The following KIAA0753 variants were observed in gnomAD, a reference collection of about 807,000 sequenced individuals.
The protein encoded by KIAA0753 is protein moonraker.
Under a neutral mutation model 116.9 loss-of-function variants are expected in KIAA0753, and 114 were observed. The ratio of observed to expected loss-of-function variants is 0.98; its 90% CI spans 0.84 to 1.14. The LOEUF is 1.14. KIAA0753 is among the 50% of genes most tolerant of loss of function. KIAA0753 has a pLI of 0.00. For synonymous variants in KIAA0753, 405 were observed against 413.1 expected (o/e 0.98, Z 0.24); for missense variants, 1,156 against 1,172.4 (o/e 0.99, Z 0.20).
At chr17:6,607,483 A>G (rs2150819561) in intron 10 of KIAA0753, among the ~76,000 whole-genome samples, 1 of 152,324 alleles carries the variant, frequency 6.6e-6, no homozygotes, top group South Asian at 2.1e-4. Context: ...ACGCAATGAG[A>G]ACCTGTCTCA....
chr17:6,623,197 A>G, intron 5 of KIAA0753, 100 bp from the exon 6 acceptor site: 2 of 1,203,010 alleles, frequency 1.7e-6, no homozygotes, highest in Non-Finnish European at 1.2e-6. Context: ...CTTTCTGTAT[A>G]AAGTGCTTTC....
rs1024746950 is a variant in KIAA0753, at chr17:6,634,942, T to C, written c.93+69A>G. The C allele has an allele frequency of 1.8e-5, 19 of 1,042,678 alleles. No individual in the cohort carries two copies. In the African/African-American group the frequency reaches 2.7e-4, roughly 15 times the overall value. The allele number at this position is 1,042,678 out of a possible 1,614,324, so 64.6% of individuals were successfully genotyped here. On this transcript the variant is annotated intron_variant, in intron 2 of 18. Transcript: ENST00000361413. ...AGGAGGTGATTTCAAAAGTGTTCAC[T>C]GTCCTTTTCTTTCAAATTTTATGTT...
intron 16 of KIAA0753, among the ~76,000 whole-genome samples, chr17:6,592,161 G>A (rs1597473888): frequency 1.3e-5 from 2 of 152,332 alleles, no homozygotes; most frequent in African/African-American, 4.8e-5. Flanking sequence ...GAGAACAACA[G>A]TAGCAAAGCA....
At chr17:6,600,845 C>A (rs1329221166) in intron 12 of KIAA0753, 3 of 171,622 alleles carry the variant, frequency 1.7e-5, no homozygotes, top group Non-Finnish European at 3.8e-5. Flanking sequence ...TCTCCAAATC[C>A]CACTAAAACA....
chr17:6,603,156 A>C (rs1309989303), intron 12 of KIAA0753, among the ~76,000 whole-genome samples: 1 of 152,172 alleles, frequency 6.6e-6, no homozygotes, highest in Non-Finnish European at 1.5e-5. Flanking sequence ...TAGAGGTAGA[A>C]GAGGGAAAAA....
At chr17:6,630,828 C>T (rs537675932) in intron 2 of KIAA0753, among the ~76,000 whole-genome samples, 5 of 152,046 alleles carry the variant, frequency 3.3e-5, no homozygotes, top group Middle Eastern at 3.4e-3. Context: ...AAGCACTATG[C>T]GCAAAAAGTA....
intron 8 of KIAA0753, among the ~76,000 whole-genome samples, chr17:6,610,511 TTTCTC>T (rs1970465033): frequency 7.5e-6 from 1 of 132,828 alleles, no homozygotes; most frequent in East Asian, 2.3e-4. Context: ...TTTTCTTTTC[TTTCTC>T]TTTTTTTTTT....
At position 6,595,891 on chromosome 17, in the gene KIAA0753, T is replaced by C. The variant is rs536412503; in HGVS notation, c.2358+267A>G. ...GGTCTTCGGAATTACACATCAGTGA[T>C]ATCGGGGGATAATAATAATGGTCAC... On this transcript the variant is annotated intron_variant, in intron 15 of 18. Transcript: ENST00000361413. Among the ~76,000 whole-genome samples the C allele has an allele frequency of 6.6e-5, 10 of 152,344 alleles. No individual in the cohort carries two copies. In the South Asian group the frequency reaches 2.1e-3, roughly 32 times the overall value.
At chr17:6,623,256 T>G (rs1194096774) in intron 5 of KIAA0753, among the ~76,000 whole-genome samples, 159 bp from the exon 6 acceptor site, 1 of 152,204 alleles carries the variant, frequency 6.6e-6, no homozygotes, top group Admixed American at 6.5e-5. Context: ...GTTTAAAGTT[T>G]TCTAGTGGCA....
chr17:6,586,011 C>T (rs1455679765), intron 18 of KIAA0753, among the ~76,000 whole-genome samples: 3 of 152,130 alleles, frequency 2.0e-5, no homozygotes, highest in Admixed American at 2.0e-4. Context: ...GGAGGTGGGG[C>T]CTGGTGGGAA....
intron 16 of KIAA0753, among the ~76,000 whole-genome samples, chr17:6,594,662 A>G (rs1005258445): frequency 6.6e-6 from 1 of 152,214 alleles, no homozygotes; most frequent in Non-Finnish European, 1.5e-5. Flanking sequence ...GGATCTGTGC[A>G]TTTTATTATC....
rs780733701 is a variant in KIAA0753, at chr17:6,610,060, G to A, written c.1646C>T (p.Pro549Leu). The part of the protein sequence containing the change: ...VSSRLKMNRQ[P>L]VKDRKAPWIP... ...CCATGGTGCCTTGCGGTCTTTCACA[G>A]GCTGCCGGTTCATTTTTAATCTGGA... Residue 549 changes from proline (P) to leucine (L), a missense_variant, in exon 9 of 19, where the codon CCT becomes CTT. By Grantham distance (98) the Pro-to-Leu change is moderately conservative. Coordinates refer to ENST00000361413, the MANE Select transcript of KIAA0753 (RefSeq NM_014804.3). 6.2e-7 allele frequency: 1 copy of A among 1,613,976 alleles called. No individual in the cohort carries two copies. The highest frequency in any genetic ancestry group is 1.3e-5 in the African/African-American group (1 of 74,882).
chr17:6,616,773 C>G (rs1970962822), intron 7 of KIAA0753, among the ~76,000 whole-genome samples: 1 of 152,186 alleles, frequency 6.6e-6, no homozygotes, highest in South Asian at 2.1e-4. Context: ...TTGCAGTGAG[C>G]TGAGATCGTG....
intron 3 of KIAA0753, among the ~76,000 whole-genome samples, chr17:6,625,098 C>A (rs1567582019): frequency 6.6e-6 from 1 of 152,182 alleles, no homozygotes; most frequent in African/African-American, 2.4e-5. Context: ...CCATCAAGCT[C>A]CCCTCCAGCC....
rs1971841071 is a variant in KIAA0753, at chr17:6,628,719, T to C, written c.116A>G (p.Asn39Ser). Residue 39 changes from asparagine to serine, a missense_variant, in exon 3 of 19, where the codon AAT becomes AGT. By Grantham distance (46) the Asn-to-Ser change is conservative. Transcript: ENST00000361413. ...QTQNQLQFNR[N>S]VPTHSSNLAI... ...CAAGTTGCTTGAATGTGTAGGAACA[T>C]TCCTATTAAACTGCAGCTGGTTCTT... 1 of 1,601,666 alleles carries C rather than the reference T, an allele frequency of 6.2e-7. No individual in the cohort carries two copies. The highest frequency in any genetic ancestry group is 1.3e-5 in the African/African-American group (1 of 74,266).
At chr17:6,624,674 T>G in intron 4 of KIAA0753, 81 bp downstream of exon 4, 1 of 937,606 alleles carries the variant, frequency 1.1e-6, no homozygotes. Flanking sequence ...CTAATCTTTC[T>G]GAGACAAAAG....
intron 10 of KIAA0753, among the ~76,000 whole-genome samples, chr17:6,607,593 C>T (rs527769655): frequency 6.6e-6 from 1 of 152,188 alleles, no homozygotes; most frequent in East Asian, 1.9e-4. Context: ...AACAATGAGC[C>T]CCCAGGAGCC....
intron 18 of KIAA0753, among the ~76,000 whole-genome samples, chr17:6,583,295 T>A (rs114450514): frequency 1.3e-5 from 2 of 152,236 alleles, no homozygotes. Context: ...TTTAAGATTT[T>A]CTCTATCTGT....
In KIAA0753 at chr17:6,596,279, G is replaced by A; in HGVS notation, c.2237C>T (p.Ala746Val). 6.2e-7 allele frequency: 1 copy of A among 1,600,548 alleles called. No homozygotes were observed. The highest frequency in any genetic ancestry group is 8.5e-7 in the Non-Finnish European group (1 of 1,173,448). ...ATGAGTCACAGCCCAGAGCTCACTGGCACAATCTTCCAAAAAATCATCAAG... is the reference window on the plus strand; with the variant it reads ...ATGAGTCACAGCCCAGAGCTCACTGACACAATCTTCCAAAAAATCATCAAG... ...RQLDDFLEDCASELWAVTHAK... is the reference protein window; with the variant it reads ...RQLDDFLEDCVSELWAVTHAK... Residue 746 changes from alanine (A) to valine (V), a missense_variant, in exon 15 of 19, where the codon GCC (alanine) becomes GTC (valine). Physicochemically the swap from Ala to Val is moderately conservative, Grantham distance 64 (BLOSUM62 0). Transcript: ENST00000361413.
Sources: allele counts gnomAD v4.1 joint callset (sites outside exome capture counted in the v4.1 genomes callset), GRCh38; gene constraint gnomAD v4.1.1; transcripts MANE v1.5; gene names NCBI Gene and HGNC (gene_info 2026-07-23, HGNC 2026-07-21).